The following GFOD1 variants were observed in gnomAD, a reference collection of about 807,000 sequenced individuals.
GFOD1 encodes Gfo/Idh/MocA-like oxidoreductase domain containing 1, also known as glucose-fructose oxidoreductase domain-containing protein 1.
GFOD1 carries 9 observed loss-of-function variants against 25.4 expected under a neutral mutation model. That is an observed-to-expected ratio of 0.35 (90% CI 0.21 to 0.62). GFOD1 has a LOEUF of 0.62. Ranked by LOEUF, GFOD1 falls within the 20% of genes least tolerant of loss-of-function variation. GFOD1 has a pLI of 0.72. For missense variants in GFOD1, 403 were observed against 556.9 expected, an observed-to-expected ratio of 0.72 and a Z score of 2.78; for synonymous variants, 253 against 245.6, an observed-to-expected ratio of 1.03 and a Z score of -0.28.
In GFOD1 at chr6:13,486,925, G is replaced by A. The variant is rs1381967914; in HGVS notation, c.-35C>T. On this transcript the variant is annotated 5_prime_UTR_variant, in exon 1 of 2. Transcript: ENST00000379287. ...GAGCCGCCTGGTTCTGCTTCTGCTC[G>A]GATCTCCAGTCCAACGCGCGCACAC... 2 of 1,593,938 alleles carry A rather than the reference G, an allele frequency of 1.3e-6. No homozygotes were observed. Among genetic ancestry groups the A allele is most frequent in the South Asian group, 2.2e-5 (2 of 89,676 alleles).
At position 13,469,589 on chromosome 6, in the gene GFOD1, G is replaced by A. The variant is rs183552335; in HGVS notation, c.253+17049C>T. 3.9e-5 allele frequency: 41 copies of A among 1,056,818 alleles called. No individual in the cohort carries two copies. In the African/African-American group the frequency reaches 5.0e-4, roughly 13 times the overall value. 65.5% of individuals were successfully genotyped at this position (1,056,818 alleles called of 1,614,324 possible). ...GTCAAGCAAACTTAAGTTGAATTCT[G>A]ATTCCACTTGTTCTTAGCCATGTAC... On this transcript the variant is annotated intron_variant, in intron 1 of 1. Coordinates refer to ENST00000379287, the MANE Select transcript of GFOD1 (RefSeq NM_018988.4).
chr6:13,358,014 C>T lies in GFOD1; in HGVS notation c.*6729G>A, dbSNP rs1158897867. ...CGGGCATCAGCTCTGGAGCTCCTAG[C>T]GGCAGGCACAGGGCTGCTGGAGGCC... On this transcript the variant is annotated 3_prime_UTR_variant, in exon 2 of 2. Transcript: ENST00000379287. 2.0e-5 allele frequency: 3 copies of T among 152,250 alleles called. No homozygotes were observed. The highest frequency in any genetic ancestry group is 4.1e-4 in the South Asian group (2 of 4,834). 9.4% of individuals were successfully genotyped at this position (152,250 alleles called of 1,614,324 possible).
At chr6:13,412,210 TG>T (rs1350345517) in intron 1 of GFOD1, among the ~76,000 whole-genome samples, 2 of 152,204 alleles carry the variant, frequency 1.3e-5, no homozygotes, top group Non-Finnish European at 2.9e-5. Context: ...TGACTATATT[TG>T]GAGACACGTT....
chr6:13,459,681 T>C (rs1313927688), intron 1 of GFOD1, among the ~76,000 whole-genome samples: 1 of 152,084 alleles, frequency 6.6e-6, no homozygotes, highest in Non-Finnish European at 1.5e-5. Context: ...CATCAAAAAG[T>C]AGGCAAAGGA....
intron 1 of GFOD1, among the ~76,000 whole-genome samples, chr6:13,387,553 G>C (rs1232232218): frequency 6.6e-6 from 1 of 152,084 alleles, no homozygotes; most frequent in African/African-American, 2.4e-5. Context: ...AAAGGCCTTC[G>C]ACAAAATCCA....
chr6:13,444,383 A>G (rs896933867), intron 1 of GFOD1, among the ~76,000 whole-genome samples: 4 of 149,980 alleles, frequency 2.7e-5, no homozygotes, highest in African/African-American at 1.0e-4. Context: ...GAGGAGGGAG[A>G]GAAGCAAAAA....
intron 1 of GFOD1, among the ~76,000 whole-genome samples, chr6:13,431,243 A>C (rs180876660): frequency 2.0e-5 from 3 of 152,344 alleles, no homozygotes; most frequent in Non-Finnish European, 2.9e-5. Flanking sequence ...TATGGTGTCC[A>C]ATCTTTACCA....
chr6:13,369,412 C>T (rs1785106135), intron 1 of GFOD1, among the ~76,000 whole-genome samples: 2 of 152,206 alleles, frequency 1.3e-5, no homozygotes, highest in Admixed American at 6.5e-5. Flanking sequence ...AGGTTGGATG[C>T]AGTGGCTTCA....
At chr6:13,372,235 G>A (rs1403973847) in intron 1 of GFOD1, among the ~76,000 whole-genome samples, 1 of 152,198 alleles carries the variant, frequency 6.6e-6, no homozygotes, top group Non-Finnish European at 1.5e-5. Flanking sequence ...TATGTGCAAG[G>A]CAGTGTGCCT....
rs1785001180 is a variant in GFOD1, at chr6:13,364,535, C to T, written c.*208G>A. 1 of 583,868 alleles carries T rather than the reference C, an allele frequency of 1.7e-6. No individual in the cohort carries two copies. The allele number at this position is 583,868 out of a possible 1,614,324, so 36.2% of individuals were successfully genotyped here. ...CAGGAATGGCAGGCTCTCCTGAATG[C>T]TTCCAGGCTAGGAGCTCAGCCCACC... On this transcript the variant is annotated 3_prime_UTR_variant, in exon 2 of 2. Transcript: ENST00000379287. This position sits in a 1 kb window ranked among gnomAD's most constrained non-coding sequence, Gnocchi z 4.1.
chr6:13,375,729 C>G (rs973939763), intron 1 of GFOD1, among the ~76,000 whole-genome samples: 9 of 152,188 alleles, frequency 5.9e-5, no homozygotes, highest in African/African-American at 1.7e-4. Context: ...TGAACCGTCC[C>G]CCATGACTCA....
Position 13,487,239 on chromosome 6 carries a change from C to T in GFOD1, c.-349G>A, listed in dbSNP as rs1562234944. Reference sequence around the variant, plus strand: ...GGCAGCGCCAGTCCGCTGCGTGCGCCCCGCCAAGGCCGCTCCATGGCCGGC... The same window carrying T: ...GGCAGCGCCAGTCCGCTGCGTGCGCTCCGCCAAGGCCGCTCCATGGCCGGC... On this transcript the variant is annotated 5_prime_UTR_variant, in exon 1 of 2. Transcript: ENST00000379287. This position sits in a 1 kb window ranked among gnomAD's most constrained non-coding sequence, Gnocchi z 4.9. 4.1e-6 allele frequency: 1 copy of T among 242,784 alleles called. No individual in the cohort carries two copies. The highest frequency in any genetic ancestry group is 7.8e-6 in the Non-Finnish European group (1 of 128,042). The allele number at this position is 242,784 out of a possible 1,614,324, so 15.0% of individuals were successfully genotyped here.
At chr6:13,410,538 G>T (rs1406936806) in intron 1 of GFOD1, among the ~76,000 whole-genome samples, 6 of 147,390 alleles carry the variant, frequency 4.1e-5, no homozygotes, top group Non-Finnish European at 3.0e-5. Flanking sequence ...TTGCACTCCA[G>T]CCTGGGCAAC....
rs147793541 is a variant in GFOD1 at position 13,364,668 on chromosome 6, C to T, written c.*75G>A. 4.8e-6 allele frequency: 6 copies of T among 1,250,916 alleles called. No homozygotes were observed. Among genetic ancestry groups the T allele is most frequent in the African/African-American group, 1.5e-5 (1 of 67,736 alleles). The allele number at this position is 1,250,916 out of a possible 1,614,324, so 77.5% of individuals were successfully genotyped here. On this transcript the variant is annotated 3_prime_UTR_variant, in exon 2 of 2. Coordinates refer to ENST00000379287, the MANE Select transcript of GFOD1 (RefSeq NM_018988.4). This position sits in a 1 kb window ranked among gnomAD's most constrained non-coding sequence, Gnocchi z 4.1. ...TGATCCCCACATTCCCCATGGTCAC[C>T]CTCTCCCCTCGGCCCTTCCCTCTCT...
At chr6:13,444,257 A>G (rs1277895654) in intron 1 of GFOD1, among the ~76,000 whole-genome samples, 1 of 152,176 alleles carries the variant, frequency 6.6e-6, no homozygotes, top group African/African-American at 2.4e-5. Context: ...CTAACACAAG[A>G]ACAGAAAACC....
intron 1 of GFOD1, among the ~76,000 whole-genome samples, chr6:13,471,768 A>G (rs766729076): frequency 1.3e-5 from 2 of 152,202 alleles, no homozygotes; most frequent in Non-Finnish European, 2.9e-5. Flanking sequence ...ACCCATTGCT[A>G]TATCCATTAA....
intron 1 of GFOD1, among the ~76,000 whole-genome samples, chr6:13,408,556 C>T (rs1464261667): frequency 6.6e-6 from 1 of 152,026 alleles, no homozygotes; most frequent in Non-Finnish European, 1.5e-5. Context: ...GGAAAGTAGG[C>T]CAGTGAGTCA....
intron 1 of GFOD1, among the ~76,000 whole-genome samples, chr6:13,478,077 AC>A (rs1256017994): frequency 1.2e-4 from 18 of 147,800 alleles, no homozygotes; most frequent in East Asian, 2.0e-4. Flanking sequence ...AAAAAAAAAA[AC>A]AAAACAAAGA....
At chr6:13,441,810 G>C (rs1055705182) in intron 1 of GFOD1, among the ~76,000 whole-genome samples, 2 of 152,162 alleles carry the variant, frequency 1.3e-5, no homozygotes, top group Non-Finnish European at 2.9e-5. Flanking sequence ...TAGATAGATA[G>C]ATACATATTT....
Sources: gnomAD v4.1 joint callset for allele counts (sites outside exome capture counted in the v4.1 genomes callset) on GRCh38, gnomAD v4.1.1 for gene constraint, Gnocchi (gnomAD v3.1) non-coding constraint, MANE v1.5 for transcripts, NCBI Gene and HGNC (gene_info 2026-07-23, HGNC 2026-07-21) for gene names.